Variants in SPATA25 observed in about 807,000 individuals in gnomAD.
SPATA25 encodes spermatogenesis-associated protein 25.
SPATA25 carries 16 observed loss-of-function variants against 16.0 expected under a neutral mutation model. The observed-to-expected ratio is 1.00, with a 90% CI of 0.68 to 1.52. The LOEUF (loss-of-function observed/expected upper bound fraction) is 1.52. SPATA25 is among the 40% of genes most tolerant of loss of function. SPATA25 has a pLI of 0.00. For synonymous variants in SPATA25, 115 were observed against 118.5 expected, an observed-to-expected ratio of 0.97 and a Z score of 0.19; for missense variants, 285 against 289.2, an observed-to-expected ratio of 0.99 and a Z score of 0.11.
At chr20:45,888,829 T>C (rs1020322686), upstream of SPATA25, 10 of 1,613,990 alleles carry the variant, frequency 6.2e-6, no homozygotes, top group Admixed American at 1.2e-4. Flanking sequence ...CGGTGCACCA[T>C]GCTCCTTTGT....
upstream of SPATA25, chr20:45,890,921 G>A (rs1459896691): frequency 1.9e-6 from 3 of 1,540,236 alleles, no homozygotes; most frequent in South Asian, 1.2e-5. Flanking sequence ...ATGGAAGCGG[G>A]TGGGAGGGGG....
chr20:45,887,229 T>C (rs1986518112), intron 1 of SPATA25, 84 bp from the exon 2 acceptor site: 1 of 1,485,720 alleles, frequency 6.7e-7, no homozygotes, highest in African/African-American at 1.4e-5. Flanking sequence ...GAGCAGAGCT[T>C]GGGGGCGTAA....
At chr20:45,888,810 A>G (rs1227709564), upstream of SPATA25, 3 of 1,614,132 alleles carry the variant, frequency 1.9e-6, no homozygotes, top group Admixed American at 1.7e-5. Flanking sequence ...GAGCCCATCA[A>G]TGGCCAGCCG....
upstream of SPATA25, chr20:45,888,733 C>T (rs1366615996): frequency 4.3e-6 from 7 of 1,612,834 alleles, no homozygotes; most frequent in Non-Finnish European, 5.9e-6. Context: ...CAGGATGCAG[C>T]TGTGCTCTGG....
upstream of SPATA25, chr20:45,890,530 A>G: frequency 6.2e-7 from 1 of 1,606,420 alleles, no homozygotes; most frequent in South Asian, 1.1e-5. Flanking sequence ...GGTCCCGGGG[A>G]ATGCGAAACT....
upstream of SPATA25, chr20:45,890,770 C>G: frequency 6.2e-7 from 1 of 1,610,332 alleles, no homozygotes; most frequent in South Asian, 1.1e-5. Flanking sequence ...ACCAGCCCAG[C>G]TCTTTCTCCT....
chr20:45,888,823 G>A, upstream of SPATA25: 3 of 1,614,048 alleles, frequency 1.9e-6, no homozygotes, highest in East Asian at 2.2e-5. Flanking sequence ...GCCAGCCGGT[G>A]CACCATGCTC....
upstream of SPATA25, chr20:45,888,532 C>T: frequency 1.9e-6 from 1 of 529,656 alleles, no homozygotes; most frequent in Admixed American, 3.4e-5. Context: ...AACAAGCAGC[C>T]AGCCTAGGGA....
At chr20:45,890,547 TGC>T, upstream of SPATA25, 1 of 1,610,660 alleles carries the variant, frequency 6.2e-7, no homozygotes, top group South Asian at 1.1e-5. Flanking sequence ...AACTGCTCAA[TGC>T]GCAGATATGG....
upstream of SPATA25, chr20:45,887,690 C>T: frequency 9.1e-7 from 1 of 1,093,136 alleles, no homozygotes; most frequent in Non-Finnish European, 1.3e-6. Context: ...CTCCCCTTCA[C>T]ACTTGGAATC....
upstream of SPATA25, chr20:45,890,792 A>G: frequency 6.2e-7 from 1 of 1,603,396 alleles, no homozygotes; most frequent in Non-Finnish European, 8.5e-7. Flanking sequence ...GATCTCGACC[A>G]GGAAGACCTG....
At chr20:45,890,379 G>C (rs759545007), upstream of SPATA25, 1 of 1,612,804 alleles carries the variant, frequency 6.2e-7, no homozygotes, top group Non-Finnish European at 8.5e-7. Flanking sequence ...ATGATGATGT[G>C]CATGTCGGCC....
upstream of SPATA25, chr20:45,888,904 G>A (rs1210657160): frequency 1.9e-6 from 3 of 1,613,094 alleles, no homozygotes; most frequent in Admixed American, 1.7e-5. Flanking sequence ...AAGGCAAACT[G>A]AACTGGAGGG....
In SPATA25 at chr20:45,886,517, C is replaced by G; in HGVS notation, c.684G>C (p.Ter228TyrextTer?). 6.4e-7 allele frequency: 1 copy of G among 1,563,812 alleles called. No homozygotes were observed. The highest frequency in any genetic ancestry group is 8.7e-7 in the Non-Finnish European group (1 of 1,151,024). ...ACATATCTGGTGCTATTTCATCCAT[C>G]TACAAGCAGGAGCCAGGAGGCTGGC... ...KRGQPPGSCL* is the reference protein window; with the variant it reads ...KRGQPPGSCLY The change falls in exon 2 of 2, where the codon TAG (stop) becomes TAC (tyrosine). Residue 228 changes from the stop codon to tyrosine (Y), a stop_lost. Transcript: ENST00000372519.
chr20:45,887,449 G>T lies in SPATA25; in HGVS notation c.55+87C>A, dbSNP rs533552184. ...TCTAGGGCCAGCCCCCAAATGCCCAGCAGAACCGCCACCTCCCCAGAGCCA... is the reference window on the plus strand; with the variant it reads ...TCTAGGGCCAGCCCCCAAATGCCCATCAGAACCGCCACCTCCCCAGAGCCA... On this transcript the variant is annotated intron_variant, in intron 1 of 1. Transcript: ENST00000372519. 1.3e-5 allele frequency: 17 copies of T among 1,345,548 alleles called. 2 individuals are homozygous for T. In the South Asian group the frequency reaches 2.1e-4, roughly 17 times the overall value. The allele number at this position is 1,345,548 out of a possible 1,614,324, so 83.4% of individuals were successfully genotyped here.
chr20:45,889,907 C>T (rs1024201175), upstream of SPATA25, among the ~76,000 whole-genome samples: 9 of 152,198 alleles, frequency 5.9e-5, no homozygotes, highest in East Asian at 5.8e-4. Context: ...AGCCACTGTG[C>T]CCGGCCAAGC....
In SPATA25 at chr20:45,886,788, G is replaced by A. The variant is rs760046701; in HGVS notation, c.413C>T (p.Pro138Leu). The A allele has an allele frequency of 3.7e-6, 6 of 1,613,958 alleles. No individual in the cohort carries two copies. The Admixed American group carries it at 5.0e-5, about 13-fold the overall frequency. Residue 138 changes from proline to leucine, a missense_variant, in exon 2 of 2, where the codon CCC (proline) becomes CTC (leucine). Pro to Leu is a moderately conservative substitution (Grantham distance 98). Transcript: ENST00000372519. Reference protein sequence around the residue: ...CGLSPRVLPVPSEAVGKEASS... With the variant: ...CGLSPRVLPVLSEAVGKEASS... The stretch of plus-strand genomic sequence containing the variant: ...GGCCTCCTTCCCCACTGCCTCAGAG[G>A]GTACCGGTAGAACCCGTGGTGACAG...
upstream of SPATA25, chr20:45,887,729 A>G: frequency 1.5e-6 from 1 of 679,068 alleles, no homozygotes; most frequent in Non-Finnish European, 2.4e-6. Context: ...TATTCATTCT[A>G]GAACCTGGAC....
upstream of SPATA25, chr20:45,888,801 A>G (rs771986354): frequency 1.9e-6 from 3 of 1,613,992 alleles, no homozygotes; most frequent in South Asian, 2.2e-5. Flanking sequence ...GGGCAGGTGG[A>G]GCCCATCAAT....
Sources: allele counts gnomAD v4.1 joint callset (sites outside exome capture counted in the v4.1 genomes callset), GRCh38; gene constraint gnomAD v4.1.1; transcripts MANE v1.5; gene names NCBI Gene and HGNC (gene_info 2026-07-23, HGNC 2026-07-21).